GNL3: variants seen among roughly 807,000 people sequenced by gnomAD.
GNL3 encodes the protein guanine nucleotide-binding protein-like 3.
In GNL3, 77 loss-of-function variants were observed where a neutral mutation model predicts 70.6. That is an observed-to-expected ratio of 1.09 (90% CI 0.91 to 1.32). The LOEUF is 1.32. Among genes scored for constraint, GNL3 ranks in the 40% most tolerant of loss-of-function variants. The probability of loss-of-function intolerance (pLI) is 0.00; values close to 1 mark genes in which losing one functional copy is unlikely to be tolerated. For synonymous variants in GNL3, 252 were observed against 216.1 expected, an observed-to-expected ratio of 1.17 and a Z score of -1.46; for missense variants, 634 against 644.0, an observed-to-expected ratio of 0.98 and a Z score of 0.17.
At chr3:52,687,931 G>C in intron 4 of GNL3, 178 bp from the exon 5 acceptor site, 1 of 612,166 alleles carries the variant, frequency 1.6e-6, no homozygotes, top group Non-Finnish European at 2.9e-6. Context: ...GAGTTCTGAT[G>C]CAGAAATAAA....
chr3:52,694,173 T>TTTA lies in GNL3; in HGVS notation c.1568-17_1568-15dup. The TTTA allele has an allele frequency of 1.3e-6, 2 of 1,596,336 alleles. No individual in the cohort carries two copies. Among genetic ancestry groups the TTTA allele is most frequent in the Non-Finnish European group, 1.7e-6 (2 of 1,164,106 alleles). ...ATCACTTTTACTTTTTGAAAATCTC[T>TTTA]TTATTTTCCTGCAATATAGGTGAAC... On this transcript the variant is annotated intron_variant, in intron 14 of 14. Transcript: ENST00000418458.
At chr3:52,688,244 C>G (rs747783053) in intron 5 of GNL3, 52 bp downstream of exon 5, 2 of 1,057,474 alleles carry the variant, frequency 1.9e-6, no homozygotes, top group East Asian at 2.4e-5. Context: ...TTAAAAGACT[C>G]AAGTCATTTT....
At chr3:52,687,047 C>G (rs1413676909) in intron 2 of GNL3, 199 bp from the exon 3 acceptor site, 1 of 631,064 alleles carries the variant, frequency 1.6e-6, no homozygotes, top group East Asian at 2.7e-5. Context: ...TTAATCTCTG[C>G]ATAGAGAGCC....
At chr3:52,692,452 T>G (rs545972989) in intron 9 of GNL3, among the ~76,000 whole-genome samples, 2 of 148,342 alleles carry the variant, frequency 1.3e-5, no homozygotes, top group South Asian at 4.2e-4. Context: ...CTCAGCCTCC[T>G]GAGTAGCTGG....
At chr3:52,686,856 C>G in intron 2 of GNL3, 29 bp downstream of exon 2, 1 of 1,496,764 alleles carries the variant, frequency 6.7e-7, no homozygotes. Flanking sequence ...AGAGCTGTAC[C>G]AAACACATTG....
intron 13 of GNL3, 97 bp downstream of exon 13, chr3:52,693,904 G>A: frequency 7.5e-7 from 1 of 1,331,850 alleles, no homozygotes; most frequent in Non-Finnish European, 1.1e-6. Context: ...TGAGGCTTGT[G>A]ATCCATTAGC....
intron 7 of GNL3, 111 bp from the exon 8 acceptor site, chr3:52,690,834 T>C: frequency 8.2e-7 from 1 of 1,215,014 alleles, no homozygotes. Flanking sequence ...AGAGATCATC[T>C]GAAAGGCAAT....
chr3:52,694,012 A>T, intron 13 of GNL3, 25 bp from the exon 14 acceptor site: 1 of 1,590,194 alleles, frequency 6.3e-7, no homozygotes, highest in Non-Finnish European at 8.6e-7. Context: ...CTACTAATCC[A>T]GCACTATTTT....
In GNL3 at chr3:52,687,522, G is replaced by A. The variant is rs2097321624; in HGVS notation, c.231G>A (p.Gln77=). The A allele has an allele frequency of 6.2e-7, 1 of 1,613,160 alleles. No homozygotes were observed. The highest frequency in any genetic ancestry group is 1.3e-5 in the African/African-American group (1 of 74,880). Residue 77 remains glutamine, a synonymous_variant, in exon 4 of 15, where the codon CAG becomes CAA. Transcript: ENST00000418458. ...GACAGCTTGAAGAACTAAAACAGCA[G>A]CAGAAACTTGACAGGCAGAAGGAAC... ...RKQRLEELKQ[Q]QKLDRQKELE...
chr3:52,687,651 G>A (rs1188016063), intron 4 of GNL3, 36 bp downstream of exon 4: 2 of 1,373,722 alleles, frequency 1.5e-6, no homozygotes, highest in Non-Finnish European at 2.1e-6. Context: ...AGAGATCAGG[G>A]GTTTTGATTT....
intron 12 of GNL3, 23 bp downstream of exon 12, chr3:52,693,567 G>A (rs1341192391): frequency 6.2e-7 from 1 of 1,614,168 alleles, no homozygotes; most frequent in Admixed American, 1.7e-5. Context: ...TGTCGCTGCT[G>A]TCTTCATCAG....
At chr3:52,692,698 C>T (rs1477829813) in intron 9 of GNL3, 174 bp from the exon 10 acceptor site, 2 of 761,362 alleles carry the variant, frequency 2.6e-6, no homozygotes, top group Non-Finnish European at 4.8e-6. Flanking sequence ...GTAGTGTTCT[C>T]TTTAGAACAG....
chr3:52,687,724 C>A, intron 4 of GNL3, 109 bp downstream of exon 4: 3 of 671,606 alleles, frequency 4.5e-6, no homozygotes, highest in Middle Eastern at 3.8e-4. Flanking sequence ...CCTGGACCAC[C>A]CAGGCTCAAG....
rs780898545 is a variant in GNL3 at position 52,691,651 on chromosome 3, T to C, written c.869+22T>C. 4.8e-6 allele frequency: 6 copies of C among 1,243,840 alleles called. No homozygotes were observed. The Admixed American group carries it at 1.0e-4, about 21-fold the overall frequency. The allele number at this position is 1,243,840 out of a possible 1,614,324, so 77.1% of individuals were successfully genotyped here. Reference sequence around the variant, plus strand: ...CAAGGTAAATGGAGGTGTCCATAATTGTAATATTATAGTGACACACTATTT... The same window carrying C: ...CAAGGTAAATGGAGGTGTCCATAATCGTAATATTATAGTGACACACTATTT... On this transcript the variant is annotated intron_variant, in intron 9 of 14. Coordinates refer to ENST00000418458, the MANE Select transcript of GNL3 (RefSeq NM_014366.5).
At chr3:52,691,466 GA>G in intron 8 of GNL3, 75 bp from the exon 9 acceptor site, 1 of 867,318 alleles carries the variant, frequency 1.2e-6, no homozygotes, top group Non-Finnish European at 2.0e-6. Flanking sequence ...CAGGGAAATG[GA>G]AAATTAGGCA....
Position 52,694,049 on chromosome 3 carries a change from G to A in GNL3, c.1513G>A (p.Gly505Ser), listed in dbSNP as rs1406454898. The A allele has an allele frequency of 1.2e-6, 2 of 1,613,746 alleles. No individual in the cohort carries two copies. The highest frequency in any genetic ancestry group is 2.7e-5 in the African/African-American group (2 of 74,926). ...CTTTGTCACACAGGAAAACAGCTCA[G>A]GCATGTTTGCTGCAGAAGAGACAGG... ...VDEEVDENSS[G>S]MFAAEETGEA... The change falls in exon 14 of 15, where the codon GGC becomes AGC. Residue 505 changes from glycine (G) to serine (S), a missense_variant. Coordinates refer to ENST00000418458, the MANE Select transcript of GNL3 (RefSeq NM_014366.5).
chr3:52,687,261 C>T lies in GNL3; in HGVS notation c.88C>T (p.Arg30Ter), dbSNP rs1283907925. ...KIQKKVREHH[R>*]KLRKEAKKRG... Reference sequence around the variant, plus strand: ...ATTTTAATAGGTTCGAGAACATCATCGAAAATTAAGAAAGGAGGCTAAAAA... The same window carrying T: ...ATTTTAATAGGTTCGAGAACATCATTGAAAATTAAGAAAGGAGGCTAAAAA... Residue 30 changes from arginine (R) to a stop codon, truncating the protein, a stop_gained, in exon 3 of 15, where the codon CGA becomes TGA. Coordinates refer to ENST00000418458, the MANE Select transcript of GNL3 (RefSeq NM_014366.5). LOFTEE classifies it high-confidence loss of function. 18 of 1,611,962 alleles carry T rather than the reference C, an allele frequency of 1.1e-5. No individual in the cohort carries two copies. Among genetic ancestry groups the T allele is most frequent in the African/African-American group, 2.7e-5 (2 of 74,820 alleles).
At chr3:52,687,146 A>T (rs1280533607) in intron 2 of GNL3, 100 bp from the exon 3 acceptor site, 4 of 952,032 alleles carry the variant, frequency 4.2e-6, no homozygotes, top group African/African-American at 3.3e-5. Flanking sequence ...AGGACATTTT[A>T]TAGGCATAAC....
chr3:52,689,017 G>A, intron 5 of GNL3, 57 bp from the exon 6 acceptor site: 2 of 1,425,070 alleles, frequency 1.4e-6, no homozygotes, highest in Non-Finnish European at 2.0e-6. Flanking sequence ...AACAAGGGAT[G>A]TAGTTCTGAT....
Sources: gnomAD v4.1 joint callset for allele counts (sites outside exome capture counted in the v4.1 genomes callset) on GRCh38, gnomAD v4.1.1 for gene constraint, MANE v1.5 for transcripts, NCBI Gene and HGNC (gene_info 2026-07-23, HGNC 2026-07-21) for gene names.